The following DOP1A variants were observed in gnomAD, a reference collection of about 807,000 sequenced individuals.
DOP1A encodes protein DOP1A.
Under a neutral mutation model 267.6 loss-of-function variants are expected in DOP1A, and 90 were observed. That is an observed-to-expected ratio of 0.34 (90% CI 0.28 to 0.40). DOP1A has a LOEUF of 0.40. DOP1A is among the 10% of genes least tolerant of loss of function. DOP1A has a pLI of 1.00. For missense variants in DOP1A, 2,437 were observed against 2,900.4 expected (o/e 0.84, Z 3.67); for synonymous variants, 932 against 999.1 (o/e 0.93, Z 1.27).
intron 15 of DOP1A, among the ~76,000 whole-genome samples, chr6:83,128,308 A>C (rs915242350): frequency 6.6e-6 from 1 of 152,156 alleles, no homozygotes; most frequent in Non-Finnish European, 1.5e-5. Flanking sequence ...GGAATGGTTC[A>C]TTTGTTTGTT....
intron 1 of DOP1A, among the ~76,000 whole-genome samples, chr6:83,068,860 T>A (rs1332411230): frequency 6.6e-6 from 1 of 152,246 alleles, no homozygotes. Flanking sequence ...TAGTGATTAC[T>A]TTCGGCCACA....
intron 1 of DOP1A, among the ~76,000 whole-genome samples, chr6:83,091,928 C>A (rs1163474677): frequency 2.0e-5 from 3 of 152,134 alleles, no homozygotes; most frequent in African/African-American, 7.2e-5. Context: ...AAAATCCAGT[C>A]AAGTTGATAT....
At chr6:83,155,752 A>T (rs1782660502) in intron 33 of DOP1A, among the ~76,000 whole-genome samples, 199 bp from the exon 34 acceptor site, 1 of 152,222 alleles carries the variant, frequency 6.6e-6, no homozygotes, top group Admixed American at 6.5e-5. Context: ...CTCCATCACA[A>T]TTCCTACCAT....
intron 1 of DOP1A, among the ~76,000 whole-genome samples, chr6:83,080,108 AT>A (rs59369396): frequency 0.77 from 117,304 of 151,918 alleles, 45,381 homozygotes; most frequent in Middle Eastern, 0.83. Flanking sequence ...TCTTAGGCTG[AT>A]TTTTTTTCCC....
intron 4 of DOP1A, among the ~76,000 whole-genome samples, chr6:83,102,245 T>A (rs967834743): frequency 6.6e-6 from 1 of 152,264 alleles, no homozygotes; most frequent in East Asian, 1.9e-4. Context: ...AATCTGAGAG[T>A]TACACTTGTT....
chr6:83,169,982 T>TAAAAGAAGAGAAAAGGATCATCTACCTTA, downstream of DOP1A: 1 of 391,906 alleles, frequency 2.6e-6, no homozygotes, highest in Non-Finnish European at 4.8e-6. Flanking sequence ...AGTATATTTT[T>TAAAAGAAGAGAAAAGGATCATCTACCTTA]AAAAGAAGAG....
intron 4 of DOP1A, among the ~76,000 whole-genome samples, chr6:83,102,959 G>A (rs1438649112): frequency 6.6e-6 from 1 of 152,070 alleles, no homozygotes; most frequent in East Asian, 1.9e-4. Context: ...CTCTTGCCCT[G>A]TAACTCTCAA....
chr6:83,154,915 G>T (rs1234950256), intron 33 of DOP1A, among the ~76,000 whole-genome samples: 1 of 152,084 alleles, frequency 6.6e-6, no homozygotes, highest in African/African-American at 2.4e-5. Flanking sequence ...TTGGAAAAAG[G>T]GCAGGATATC....
intron 1 of DOP1A, among the ~76,000 whole-genome samples, chr6:83,094,085 C>T (rs1771000745): frequency 6.6e-6 from 1 of 152,056 alleles, no homozygotes; most frequent in Admixed American, 6.5e-5. Flanking sequence ...TCCTCTTCTC[C>T]CCCCACTCTA....
chr6:83,137,829 A>T lies in DOP1A; in HGVS notation c.3787A>T (p.Arg1263Trp). The T allele has an allele frequency of 6.2e-7, 1 of 1,613,844 alleles. No individual in the cohort carries two copies. Among genetic ancestry groups the T allele is most frequent in the South Asian group, 1.1e-5 (1 of 91,076 alleles). The change falls in exon 21 of 39, where the codon AGG becomes TGG. Residue 1263 changes from arginine (R) to tryptophan (W), a missense_variant. Arg to Trp is a moderately radical substitution (Grantham distance 101). This residue lies in a region of DOP1A where 878 missense variants were observed against 992.9 expected (regional missense o/e 0.88). Transcript: ENST00000349129. The part of the protein sequence containing the change: ...VASIETKSRQ[R>W]SHSSIQFSFK... ...TTCCATAGAAACCAAATCTAGACAA[A>T]GGAGTCACAGTAGTATTCAATTCAG...
chr6:83,094,342 G>C (rs1771054454), intron 1 of DOP1A, among the ~76,000 whole-genome samples: 1 of 152,132 alleles, frequency 6.6e-6, no homozygotes. Context: ...TGGCTATTAT[G>C]AATAATGCAT....
rs181614868 is a variant in DOP1A, at chr6:83,116,964, A to C, written c.781-1924A>C. Among the ~76,000 whole-genome samples the C allele has an allele frequency of 1.9e-4, 29 of 152,316 alleles. No homozygotes were observed. The East Asian group carries it at 4.6e-3, about 24-fold the overall frequency. On this transcript the variant is annotated intron_variant, in intron 7 of 38. Transcript: ENST00000349129. ...TTGAGGAAATGACTACAAAATGTCC[A>C]GGCCTGAATAATCATAATTCATATT... is the stretch of plus-strand genomic sequence containing the variant.
chr6:83,096,606 A>T (rs1191516797), intron 1 of DOP1A, 125 bp from the exon 2 acceptor site: 2 of 400,634 alleles, frequency 5.0e-6, no homozygotes, highest in Non-Finnish European at 8.8e-6. Context: ...GAGCATATAT[A>T]TATCAGAAAT....
rs1377997069 is a variant in DOP1A at position 83,130,063 on chromosome 6, T to TA, written c.2342-59dup. On this transcript the variant is annotated intron_variant, in intron 16 of 38. Coordinates refer to ENST00000349129, the MANE Select transcript of DOP1A (RefSeq NM_015018.4). ...GTGGCTTTGTTTTTTGAAATTAACT[T>TA]AGAGTGTGTGTGAAATGTTTAGTAT... 1.1e-5 allele frequency: 17 copies of TA among 1,560,810 alleles called. No individual in the cohort carries two copies. In the East Asian group the frequency reaches 3.8e-4, roughly 35 times the overall value.
rs1331361486 is a variant in DOP1A, at chr6:83,119,752, T to G, written c.885T>G (p.Phe295Leu). 2 of 1,610,022 alleles carry G rather than the reference T, an allele frequency of 1.2e-6. No homozygotes were observed. The highest frequency in any genetic ancestry group is 3.4e-5 in the Admixed American group (2 of 59,376). ...NRRLYAWLLG[F>L]DNNGAIIGPR... ...TTGTGATTTGTTTCCATGGAGGTTT[T>G]GATAACAACGGTGCTATCATAGGAC... is the stretch of plus-strand genomic sequence containing the variant. The change falls in exon 9 of 39, where the codon TTT (phenylalanine) becomes TTG (leucine). Residue 295 changes from phenylalanine (F) to leucine (L), a missense_variant. Phe to Leu is a conservative substitution (Grantham distance 22). This residue lies in a region of DOP1A where 251 missense variants were observed against 359.1 expected (regional missense o/e 0.70). Coordinates refer to ENST00000349129, the MANE Select transcript of DOP1A (RefSeq NM_015018.4).
intron 1 of DOP1A, among the ~76,000 whole-genome samples, chr6:83,068,353 T>A (rs771973202): frequency 2.0e-5 from 3 of 152,172 alleles, no homozygotes; most frequent in Non-Finnish European, 2.9e-5. Flanking sequence ...CACCTTTGAT[T>A]CCTAAGCCTT....
intron 4 of DOP1A, among the ~76,000 whole-genome samples, chr6:83,101,938 T>C (rs1772662170): frequency 6.6e-6 from 1 of 152,164 alleles, no homozygotes; most frequent in Non-Finnish European, 1.5e-5. Flanking sequence ...AATTATAGTC[T>C]TCATGTTGTA....
intron 37 of DOP1A, among the ~76,000 whole-genome samples, chr6:83,162,221 T>C (rs1784398702): frequency 6.6e-6 from 1 of 151,894 alleles, no homozygotes; most frequent in South Asian, 2.1e-4. Context: ...CCATTTATAC[T>C]GTTTGAATTT....
intron 36 of DOP1A, 62 bp downstream of exon 36, chr6:83,158,684 T>C (rs1783430672): frequency 6.2e-6 from 7 of 1,121,464 alleles, no homozygotes; most frequent in Non-Finnish European, 9.2e-6. Flanking sequence ...ATTCAGAATA[T>C]TACTCAGCAT....
Sources: gnomAD v4.1 joint callset for allele counts (sites outside exome capture counted in the v4.1 genomes callset) on GRCh38, gnomAD v4.1.1 for gene constraint, gnomAD v4.1.1 regional missense constraint, MANE v1.5 for transcripts, NCBI Gene and HGNC (gene_info 2026-07-23, HGNC 2026-07-21) for gene names.